The following LPIN1 variants were observed in gnomAD, a reference collection of about 807,000 sequenced individuals.
LPIN1 encodes phosphatidate phosphatase LPIN1.
LPIN1 carries 71 observed loss-of-function variants against 107.5 expected under a neutral mutation model. The observed-to-expected ratio is 0.66, with a 90% confidence interval of 0.55 to 0.80. LPIN1 has a LOEUF of 0.80. LPIN1 is among the 30% of genes least tolerant of loss of function. LPIN1 has a pLI of 0.00. For missense variants in LPIN1, 1,043 were observed against 1,160.6 expected (o/e 0.90, Z 1.47); for synonymous variants, 445 against 452.6 (o/e 0.98, Z 0.21).
upstream of LPIN1, among the ~76,000 whole-genome samples, chr2:11,744,990 G>T (rs893345): frequency 2.6e-4 from 39 of 152,220 alleles, no homozygotes; most frequent in African/African-American, 9.1e-4. Flanking sequence ...CCAGATGGAC[G>T]GGAGCCGCGC....
intron 1 of LPIN1, chr2:11,764,090 A>C (rs1487410624): frequency 8.3e-6 from 1 of 120,442 alleles, no homozygotes; most frequent in African/African-American, 3.4e-5. Flanking sequence ...ATATATATAT[A>C]TATATATATA....
At chr2:11,747,713 A>C (rs1667174261) in intron 1 of LPIN1, among the ~76,000 whole-genome samples, 1 of 152,246 alleles carries the variant, frequency 6.6e-6, no homozygotes, top group Non-Finnish European at 1.5e-5. Context: ...TATTTGAGAA[A>C]TAAGCACATC....
chr2:11,733,522 C>A (rs549814945), intron 1 of LPIN1, among the ~76,000 whole-genome samples: 1 of 143,514 alleles, frequency 7.0e-6, no homozygotes, highest in Non-Finnish European at 1.5e-5. Flanking sequence ...TTGACAAAGT[C>A]TTGGTTTTGC....
chr2:11,740,960 A>C (rs1666304232), intron 1 of LPIN1: 3 of 162,372 alleles, frequency 1.8e-5, no homozygotes, highest in Admixed American at 6.3e-5. Flanking sequence ...GCATAAAATC[A>C]TGACTTTTCT....
At chr2:11,743,168 T>G (rs560574756), upstream of LPIN1, among the ~76,000 whole-genome samples, 1 of 152,306 alleles carries the variant, frequency 6.6e-6, no homozygotes, top group African/African-American at 2.4e-5. The surrounding 1 kb of genome is among the most constrained non-coding windows in gnomAD (Gnocchi z 4.7). Flanking sequence ...TAGCCCCCAG[T>G]GCTCAGCCTA....
Position 11,819,590 on chromosome 2 carries a change from C to T in LPIN1, c.2509C>T (p.Arg837Ter), listed in dbSNP as rs119480073. Residue 837 changes from arginine (R) to a stop codon, truncating the protein, a stop_gained, in exon 19 of 21, where the codon CGA (arginine) becomes TGA (stop). Transcript: ENST00000674199. LOFTEE classifies it high-confidence loss of function. ...ACCCTTTTATGCTGCTTTTGGAAACCGACCAGCTGTAAGTAGTAGATTGGG... is the reference window on the plus strand; with the variant it reads ...ACCCTTTTATGCTGCTTTTGGAAACTGACCAGCTGTAAGTAGTAGATTGGG... ...TEPFYAAFGN[R>*]PADVYSYKQV... The T allele has an allele frequency of 1.6e-5, 26 of 1,612,616 alleles. No homozygotes were observed. Among genetic ancestry groups the T allele is most frequent in the East Asian group, 4.5e-5 (2 of 44,886 alleles).
At chr2:11,736,296 C>T (rs373253735) in intron 1 of LPIN1, among the ~76,000 whole-genome samples, 11 of 152,202 alleles carry the variant, frequency 7.2e-5, no homozygotes, top group African/African-American at 2.7e-4. Flanking sequence ...ATTTCTATCT[C>T]ATGGTTCTGG....
chr2:11,797,764 T>G (rs1676985615), intron 14 of LPIN1, among the ~76,000 whole-genome samples: 1 of 152,204 alleles, frequency 6.6e-6, no homozygotes, highest in Non-Finnish European at 1.5e-5. Context: ...AGATGAGACT[T>G]TGGACTGTGG....
At chr2:11,759,624 C>T (rs1558822175) in intron 1 of LPIN1, among the ~76,000 whole-genome samples, 2 of 152,342 alleles carry the variant, frequency 1.3e-5, no homozygotes, top group East Asian at 3.9e-4. Context: ...CTATCTTTTC[C>T]CCACATTTCC....
At chr2:11,811,956 G>A (rs189088015) in intron 17 of LPIN1, among the ~76,000 whole-genome samples, 1 of 152,250 alleles carries the variant, frequency 6.6e-6, no homozygotes, top group East Asian at 1.9e-4. Flanking sequence ...CTGCACTCCA[G>A]CCTGGTGACA....
intron 1 of LPIN1, among the ~76,000 whole-genome samples, chr2:11,710,165 G>T (rs941008662): frequency 1.3e-5 from 2 of 152,004 alleles, no homozygotes; most frequent in Non-Finnish European, 2.9e-5. Context: ...ATTTCTGAAG[G>T]CTCCATCTTC....
chr2:11,775,247 T>C (rs1672477130), intron 5 of LPIN1, among the ~76,000 whole-genome samples: 1 of 152,224 alleles, frequency 6.6e-6, no homozygotes, highest in South Asian at 2.1e-4. Flanking sequence ...AGATTCTCAT[T>C]CTTTCTCTAG....
intron 14 of LPIN1, among the ~76,000 whole-genome samples, chr2:11,798,761 G>A (rs1160703048): frequency 5.3e-5 from 8 of 150,166 alleles, no homozygotes; most frequent in Non-Finnish European, 1.0e-4. Context: ...CCTTATTAGA[G>A]TCATGCAGTT....
At chr2:11,722,442 A>T (rs1392769610), upstream of LPIN1, 1 of 152,238 alleles carries the variant, frequency 6.6e-6, no homozygotes, top group African/African-American at 2.4e-5. Flanking sequence ...TCCAAACAGG[A>T]GATCCATCAT....
intron 6 of LPIN1, among the ~76,000 whole-genome samples, chr2:11,778,960 G>C (rs563159943): frequency 3.9e-5 from 6 of 152,276 alleles, no homozygotes; most frequent in Admixed American, 3.9e-4. Flanking sequence ...CAACTTGTAG[G>C]CTCCTGCCCA....
At chr2:11,811,736 C>G (rs1166703498) in intron 17 of LPIN1, among the ~76,000 whole-genome samples, 1 of 152,208 alleles carries the variant, frequency 6.6e-6, no homozygotes, top group Non-Finnish European at 1.5e-5. Flanking sequence ...CCTGTAATCC[C>G]AGCACTTTGG....
rs1401223367 is a variant in LPIN1, at chr2:11,784,986, G to A, written c.1459G>A (p.Val487Met). Residue 487 changes from valine (V) to methionine (M), a missense_variant, in exon 10 of 21, where the codon GTG becomes ATG. By Grantham distance (21) the Val-to-Met change is conservative. Transcript: ENST00000674199. Reference protein sequence around the residue: ...SVGSSGVDSGVESTSDGLRDL... With the variant: ...SVGSSGVDSGMESTSDGLRDL... The stretch of plus-strand genomic sequence containing the variant: ...GGGCAGCTCGGGCGTGGACAGTGGC[G>A]TGGAGAGCACCTCGGACGGGCTGAG... 6.2e-7 allele frequency: 1 copy of A among 1,613,708 alleles called. No individual in the cohort carries two copies. Among genetic ancestry groups the A allele is most frequent in the Non-Finnish European group, 8.5e-7 (1 of 1,179,984 alleles).
chr2:11,762,892 T>C (rs554316968), intron 1 of LPIN1: 1 of 151,376 alleles, frequency 6.6e-6, no homozygotes, highest in East Asian at 2.0e-4. Context: ...GAGGTGGGGG[T>C]TTTGTCAGTG....
intron 1 of LPIN1, among the ~76,000 whole-genome samples, chr2:11,725,130 G>A (rs748644419): frequency 2.6e-5 from 4 of 152,064 alleles, no homozygotes; most frequent in South Asian, 2.1e-4. Context: ...GCGTGTTGGC[G>A]GGCGCCTGTA....
Sources: gnomAD v4.1 joint callset for allele counts (sites outside exome capture counted in the v4.1 genomes callset) on GRCh38, gnomAD v4.1.1 for gene constraint, Gnocchi (gnomAD v3.1) non-coding constraint, MANE v1.5 for transcripts, NCBI Gene and HGNC (gene_info 2026-07-23, HGNC 2026-07-21) for gene names.